NHS: variants seen among roughly 807,000 people sequenced by gnomAD.
NHS encodes NHS actin remodeling regulator.
NHS carries 5 observed loss-of-function variants against 72.5 expected under a neutral mutation model. That is an observed-to-expected ratio of 0.07 (90% CI 0.04 to 0.14). The LOEUF is 0.14. Among genes scored for constraint, NHS ranks in the 10% least tolerant of loss-of-function variants. The pLI, the probability that NHS is intolerant of heterozygous loss-of-function variation, is 1.00. For synonymous variants in NHS, 464 were observed against 547.7 expected, an observed-to-expected ratio of 0.85 and a Z score of 2.13; for missense variants, 1,072 against 1,355.7, an observed-to-expected ratio of 0.79 and a Z score of 3.29.
intron 1 of NHS, 23 bp downstream of exon 1, chrX:17,376,345 C>T: frequency 8.8e-7 from 1 of 1,131,912 alleles, no homozygotes; most frequent in Non-Finnish European, 1.2e-6. Flanking sequence ...GCCGTCCGCC[C>T]GCCAGGCTAT....
At chrX:17,420,735 A>G (rs1388270580) in intron 1 of NHS, among the ~76,000 whole-genome samples, 1 of 112,349 alleles carries the variant, frequency 8.9e-6, no homozygotes, top group African/African-American at 3.2e-5. Flanking sequence ...GACAGACCAC[A>G]TAAAAAATAT....
At chrX:17,472,953 A>G (rs1033608063) in intron 1 of NHS, among the ~76,000 whole-genome samples, 1 of 112,731 alleles carries the variant, frequency 8.9e-6, no homozygotes, top group Admixed American at 9.4e-5. Flanking sequence ...TCAAAGGAAT[A>G]GAGACCATGG....
In NHS at chrX:17,727,572, G is replaced by A; in HGVS notation, c.3466G>A (p.Glu1156Lys). ...INKSEEVKQK[E>K]ENNTDLPYLE... ...CAAGTCTGAAGAAGTTAAGCAAAAAGAAGAAAACAATACAGATCTCCCTTA... is the reference window on the plus strand; with the variant it reads ...CAAGTCTGAAGAAGTTAAGCAAAAAAAAGAAAACAATACAGATCTCCCTTA... Residue 1156 changes from glutamate (E) to lysine (K), a missense_variant, in exon 7 of 9, where the codon GAA (glutamate) becomes AAA (lysine). Coordinates refer to ENST00000676302, the MANE Select transcript of NHS (RefSeq NM_001291867.2). 8.3e-7 allele frequency: 1 copy of A among 1,211,606 alleles called. No individual in the cohort carries two copies. Among genetic ancestry groups the A allele is most frequent in the South Asian group, 1.8e-5 (1 of 56,987 alleles).
At chrX:17,493,864 G>A (rs1601732083) in intron 1 of NHS, among the ~76,000 whole-genome samples, 1 of 110,750 alleles carries the variant, frequency 9.0e-6, no homozygotes, top group Non-Finnish European at 1.9e-5. Flanking sequence ...AGAGCTTTCC[G>A]CTGACTTCCA....
chrX:17,538,345 G>A (rs769339164), intron 1 of NHS, among the ~76,000 whole-genome samples: 6 of 111,553 alleles, frequency 5.4e-5, no homozygotes, highest in African/African-American at 9.8e-5. Context: ...TGCTCAGGGG[G>A]GTCCTGGAAG....
rs199789055 is a variant in NHS at position 17,725,829 on chromosome X, A to G, written c.1723A>G (p.Lys575Glu). 36 of 1,209,622 alleles carry G rather than the reference A, an allele frequency of 3.0e-5. No homozygotes were observed. The African/African-American group carries it at 3.3e-4, about 11-fold the overall frequency. The part of the protein sequence containing the change: ...CSQHLHSPQH[K>E]LSERGRSRLS... ...TCAACATCTTCACAGCCCCCAGCAC[A>G]AATTAAGTGAGAGGGGAAGGTCACG... The change falls in exon 7 of 9, where the codon AAA (lysine) becomes GAA (glutamate). Residue 575 changes from lysine (K) to glutamate (E), a missense_variant. Transcript: ENST00000676302.
Position 17,721,512 on chromosome X carries a change from C to G in NHS, c.987C>G (p.Ile329Met). 8.3e-7 allele frequency: 1 copy of G among 1,211,184 alleles called. No individual in the cohort carries two copies. The highest frequency in any genetic ancestry group is 1.7e-5 in the African/African-American group (1 of 57,703). ...GQRPKNPIHNIPSTLDKQTNW... is the reference protein window; with the variant it reads ...GQRPKNPIHNMPSTLDKQTNW... ...GGCCGAAAAACCCAATACACAATATCCCTTCCACACTGGACAAGCAGACCA... is the reference window on the plus strand; with the variant it reads ...GGCCGAAAAACCCAATACACAATATGCCTTCCACACTGGACAAGCAGACCA... Residue 329 changes from isoleucine to methionine, a missense_variant, in exon 5 of 9, where the codon ATC becomes ATG. Physicochemically the swap from Ile to Met is conservative, Grantham distance 10. Coordinates refer to ENST00000676302, the MANE Select transcript of NHS (RefSeq NM_001291867.2).
rs1011142534 is a variant in NHS at position 17,565,789 on chromosome X, C to T, written c.566-121953C>T. ...TAGTAGACACCTCATATGTTCTGCC[C>T]ATGAATATACGCCACATACAAATGT... On this transcript the variant is annotated intron_variant, in intron 1 of 8. Transcript: ENST00000676302. Among the ~76,000 whole-genome samples, 3 of 112,122 alleles carry T rather than the reference C, an allele frequency of 2.7e-5. No individual in the cohort carries two copies. The Admixed American group carries it at 2.8e-4, about 11-fold the overall frequency.
chrX:17,718,438 GGAAGGAGAGAAGGAAGAAAGGAAA>G (rs1248868129), intron 3 of NHS, among the ~76,000 whole-genome samples: 10 of 94,992 alleles, frequency 1.1e-4, no homozygotes, highest in Non-Finnish European at 2.1e-4. Context: ...AAGAAAGGAA[GGAAGGAGAGAAGGAAGAAAGGAAA>G]GAAGGAGAGA....
intron 1 of NHS, among the ~76,000 whole-genome samples, chrX:17,537,109 A>T (rs138333634): frequency 8.9e-6 from 1 of 112,415 alleles, no homozygotes; most frequent in South Asian, 3.7e-4. Flanking sequence ...AATTTACAAA[A>T]AAAGGATAAG....
At chrX:17,557,078 T>C (rs2065380053) in intron 1 of NHS, 1 of 105,838 alleles carries the variant, frequency 9.4e-6, no homozygotes, top group African/African-American at 3.5e-5. Context: ...TAGGTAAATA[T>C]ATACAAAGCT....
At chrX:17,611,955 A>G (rs889611854) in intron 1 of NHS, among the ~76,000 whole-genome samples, 1 of 111,617 alleles carries the variant, frequency 9.0e-6, no homozygotes, top group African/African-American at 3.3e-5. Flanking sequence ...TAAAGCACAA[A>G]TGCATGGTTA....
chrX:17,683,878 T>C (rs1430377053), intron 1 of NHS, among the ~76,000 whole-genome samples: 2 of 111,785 alleles, frequency 1.8e-5, no homozygotes, highest in Non-Finnish European at 3.8e-5. Flanking sequence ...GATAAAGTAG[T>C]GGGAGTGTGC....
At chrX:17,531,657 G>A (rs1015973669) in intron 1 of NHS, among the ~76,000 whole-genome samples, 4 of 112,819 alleles carry the variant, frequency 3.5e-5, no homozygotes, top group African/African-American at 1.3e-4. Context: ...GGCCTCTAGG[G>A]TGGGCCCTGG....
rs1441138536 is a variant in NHS at position 17,689,762 on chromosome X, G to A, written c.718+1868G>A. Among the ~76,000 whole-genome samples, 4 of 112,167 alleles carry A rather than the reference G, an allele frequency of 3.6e-5. No individual in the cohort carries two copies. In the East Asian group the frequency reaches 1.1e-3, roughly 31 times the overall value. ...AGGATGACTATAAAGGAATCTGATC[G>A]TTCTCACCAAATCCTTTCTCAGGTC... is the stretch of plus-strand genomic sequence containing the variant. On this transcript the variant is annotated intron_variant, in intron 2 of 8. Transcript: ENST00000676302.
intron 1 of NHS, among the ~76,000 whole-genome samples, chrX:17,521,669 A>G (rs934466602): frequency 4.3e-4 from 48 of 110,758 alleles, no homozygotes; most frequent in African/African-American, 1.5e-3. Flanking sequence ...GGCCTATCCC[A>G]CCCTCTATTG....
intron 3 of NHS, among the ~76,000 whole-genome samples, chrX:17,697,389 C>A (rs992869967): frequency 8.9e-6 from 1 of 111,803 alleles, no homozygotes; most frequent in African/African-American, 3.3e-5. Flanking sequence ...CACACCAAAG[C>A]CACACAAATG....
intron 3 of NHS, among the ~76,000 whole-genome samples, chrX:17,693,475 T>C (rs763151529): frequency 3.6e-5 from 4 of 112,235 alleles, no homozygotes; most frequent in Non-Finnish European, 7.5e-5. Context: ...GTTAAGGTTT[T>C]TATTAGAAAT....
chrX:17,450,745 G>A (rs540267346), intron 1 of NHS, among the ~76,000 whole-genome samples: 4 of 111,903 alleles, frequency 3.6e-5, no homozygotes, highest in South Asian at 3.7e-4. Context: ...GCATGGTGGC[G>A]CATGCTTGTA....
Sources: allele counts gnomAD v4.1 joint callset (sites outside exome capture counted in the v4.1 genomes callset), GRCh38; gene constraint gnomAD v4.1.1; transcripts MANE v1.5; gene names NCBI Gene and HGNC (gene_info 2026-07-23, HGNC 2026-07-21).